Variants in FNTB observed in about 807,000 individuals in gnomAD.
FNTB encodes the protein protein farnesyltransferase subunit beta.
Under a neutral mutation model 59.4 loss-of-function variants are expected in FNTB, and 27 were observed. The observed-to-expected ratio is 0.45, with a 90% CI of 0.34 to 0.63. FNTB has a LOEUF of 0.63. FNTB is among the 20% of genes least tolerant of loss of function. The pLI is 0.02. For synonymous variants in FNTB, 230 were observed against 220.7 expected (o/e 1.04, Z -0.37); for missense variants, 449 against 559.6 (o/e 0.80, Z 1.99).
chr14:65,040,257 A>G (rs76772442), intron 7 of FNTB, among the ~76,000 whole-genome samples: 18,589 of 148,916 alleles, frequency 0.12, 1,257 homozygotes, highest in Admixed American at 0.18. Flanking sequence ...CTATATATAT[A>G]TGTATATATA....
chr14:64,990,963 T>C lies in FNTB; in HGVS notation c.144+3866T>C, dbSNP rs1888176844. Among the ~76,000 whole-genome samples, 1 of 152,120 alleles carries C rather than the reference T, an allele frequency of 6.6e-6. No homozygotes were observed. Among genetic ancestry groups the C allele is most frequent in the South Asian group, 2.1e-4 (1 of 4,828 alleles). On this transcript the variant is annotated intron_variant, in intron 1 of 11. Transcript: ENST00000246166. This position sits in a 1 kb window ranked among gnomAD's most constrained non-coding sequence, Gnocchi z 5.2. ...ATGCAGGGAGGGCCTTTCATGACAC[T>C]AGAGAACAAGACATGGTTGTATTGT... is the stretch of plus-strand genomic sequence containing the variant.
At chr14:65,055,953 C>A (rs987990030) in intron 11 of FNTB, among the ~76,000 whole-genome samples, 8 of 152,170 alleles carry the variant, frequency 5.3e-5, no homozygotes, top group African/African-American at 1.7e-4. Context: ...TAATTATTTC[C>A]CCCTATTTGC....
chr14:65,052,316 C>G (rs1473686917), intron 9 of FNTB, among the ~76,000 whole-genome samples: 1 of 151,980 alleles, frequency 6.6e-6, no homozygotes, highest in African/African-American at 2.4e-5. Flanking sequence ...CGCATAGAAC[C>G]AAAAAGACTG....
intron 4 of FNTB, 58 bp downstream of exon 4, chr14:65,015,774 A>C (rs1435666064): frequency 6.3e-7 from 1 of 1,579,296 alleles, no homozygotes; most frequent in Non-Finnish European, 8.7e-7. Flanking sequence ...TGAGTTTGGG[A>C]TTTTGTTTTG....
At chr14:64,987,671 CA>C (rs1379309733) in intron 1 of FNTB, 1 of 155,014 alleles carries the variant, frequency 6.5e-6, no homozygotes, top group Non-Finnish European at 1.4e-5. Context: ...GGAAATAAAA[CA>C]GCTCCTGACC....
chr14:65,010,677 C>T (rs1284982803), intron 2 of FNTB, among the ~76,000 whole-genome samples: 1 of 152,214 alleles, frequency 6.6e-6, no homozygotes, highest in African/African-American at 2.4e-5. Context: ...TCTCAAAAAC[C>T]TTCAGGACTT....
At chr14:65,046,973 G>A (rs569999485) in intron 9 of FNTB, among the ~76,000 whole-genome samples, 3 of 152,044 alleles carry the variant, frequency 2.0e-5, no homozygotes, top group African/African-American at 4.8e-5. Flanking sequence ...AAAAAGGTGC[G>A]AAAAATATTT....
intron 1 of FNTB, among the ~76,000 whole-genome samples, chr14:64,998,620 A>C (rs1022508505): frequency 6.6e-6 from 1 of 152,186 alleles, no homozygotes; most frequent in Non-Finnish European, 1.5e-5. Flanking sequence ...CCCTCTCTTC[A>C]TAGCTGTCCC....
intron 3 of FNTB, 133 bp from the exon 4 acceptor site, chr14:65,015,492 C>G: frequency 2.3e-6 from 1 of 440,262 alleles, no homozygotes; most frequent in Non-Finnish European, 3.8e-6. Flanking sequence ...CCTTTATTCA[C>G]TGATTGTTGT....
At chr14:65,055,070 C>T (rs1328132780) in intron 11 of FNTB, among the ~76,000 whole-genome samples, 1 of 152,230 alleles carries the variant, frequency 6.6e-6, no homozygotes. Flanking sequence ...CAGCCTGCCG[C>T]GTCTCTCCCA....
At chr14:65,052,987 A>G (rs2062647882) in intron 9 of FNTB, among the ~76,000 whole-genome samples, 2 of 152,206 alleles carry the variant, frequency 1.3e-5, no homozygotes, top group Admixed American at 6.5e-5. Context: ...ATCACCATCC[A>G]CGTTAACAGG....
intron 9 of FNTB, among the ~76,000 whole-genome samples, chr14:65,045,908 T>C (rs1676121790): frequency 6.6e-6 from 1 of 152,252 alleles, no homozygotes; most frequent in African/African-American, 2.4e-5. Flanking sequence ...GCAAGTGCAC[T>C]GACTTTGGAG....
At position 65,027,850 on chromosome 14, in the gene FNTB, A is replaced by G. The variant is rs2062012080; in HGVS notation, c.605+69A>G. The G allele has an allele frequency of 1.9e-6, 3 of 1,597,038 alleles. No individual in the cohort carries two copies. Among genetic ancestry groups the G allele is most frequent in the Admixed American group, 3.4e-5 (2 of 58,312 alleles). Reference sequence around the variant, plus strand: ...AGCTCATCTGCCATTAGAGATGCCAAGCCTAAGGAACATCATGGGGAAGCT... The same window carrying G: ...AGCTCATCTGCCATTAGAGATGCCAGGCCTAAGGAACATCATGGGGAAGCT... On this transcript the variant is annotated intron_variant, in intron 6 of 11. Coordinates refer to ENST00000246166, the MANE Select transcript of FNTB (RefSeq NM_002028.4). The surrounding 1 kb of genome is among the most constrained non-coding windows in gnomAD (Gnocchi z 5.7).
intron 7 of FNTB, among the ~76,000 whole-genome samples, chr14:65,037,961 C>T (rs2062252211): frequency 4.0e-5 from 6 of 151,278 alleles, no homozygotes; most frequent in African/African-American, 7.3e-5. Flanking sequence ...TACGGGGTTT[C>T]GCCATGTTGA....
rs1222386202 is a variant in FNTB at position 65,062,228 on chromosome 14, CCAAGAGTATTAACACTACT to C, written c.*917_*935del. The C allele has an allele frequency of 1.3e-5, 2 of 152,290 alleles. No homozygotes were observed. 9.4% of individuals were successfully genotyped at this position (152,290 alleles called of 1,614,324 possible). On this transcript the variant is annotated 3_prime_UTR_variant, in exon 12 of 12. Coordinates refer to ENST00000246166, the MANE Select transcript of FNTB (RefSeq NM_002028.4). The surrounding 1 kb of genome is among the most constrained non-coding windows in gnomAD (Gnocchi z 4.3). ...TCCAAGACTGTGTTGTCTTTTCTCA[CCAAGAGTATTAACACTACT>C]AAGTCTTTCACCTTAACTTATGACT... is the stretch of plus-strand genomic sequence containing the variant.
chr14:65,005,489 CTTTCTTTCTTTCTTTCT>C (rs1350519292), intron 2 of FNTB, among the ~76,000 whole-genome samples: 2 of 136,810 alleles, frequency 1.5e-5, no homozygotes, highest in African/African-American at 6.1e-5. Flanking sequence ...TTCTTTCTTT[CTTTCTTTCTTTCTTTCT>C]TTCTTTCTCT....
intron 1 of FNTB, among the ~76,000 whole-genome samples, chr14:64,993,934 T>C (rs1227819180): frequency 6.6e-6 from 1 of 152,018 alleles, no homozygotes; most frequent in Non-Finnish European, 1.5e-5. Flanking sequence ...CCACTCACCG[T>C]AACCTCCGCC....
chr14:65,057,876 C>A (rs1226391714), intron 11 of FNTB, among the ~76,000 whole-genome samples: 1 of 152,212 alleles, frequency 6.6e-6, no homozygotes, highest in Non-Finnish European at 1.5e-5. Context: ...TGAAGGGGCC[C>A]TGTTTCTGGA....
chr14:65,032,345 T>A lies in FNTB; in HGVS notation c.606-265T>A. 3.1e-6 allele frequency: 1 copy of A among 324,356 alleles called. No homozygotes were observed. The highest frequency in any genetic ancestry group is 5.6e-6 in the Non-Finnish European group (1 of 178,068). 20.1% of individuals were successfully genotyped at this position (324,356 alleles called of 1,614,324 possible). The stretch of plus-strand genomic sequence containing the variant: ...TGACATGAATTGATATGGCTGTTAT[T>A]TCCTCTGATGTAGATTGGACCATGT... On this transcript the variant is annotated intron_variant, in intron 6 of 11. Transcript: ENST00000246166. The surrounding 1 kb of genome is among the most constrained non-coding windows in gnomAD (Gnocchi z 5.0).
Sources: gnomAD v4.1 joint callset for allele counts (sites outside exome capture counted in the v4.1 genomes callset) on GRCh38, gnomAD v4.1.1 for gene constraint, Gnocchi (gnomAD v3.1) non-coding constraint, MANE v1.5 for transcripts, NCBI Gene and HGNC (gene_info 2026-07-23, HGNC 2026-07-21) for gene names.